CYP46A1: variants seen among roughly 807,000 people sequenced by gnomAD.
CYP46A1 encodes the protein cytochrome P450 family 46 subfamily A member 1, also known as cholesterol 24-hydroxylase.
CYP46A1 carries 20 observed loss-of-function variants against 63.3 expected under a neutral mutation model. That is an observed-to-expected ratio of 0.32 (90% CI 0.22 to 0.46). The LOEUF (loss-of-function observed/expected upper bound fraction) is 0.46. Ranked by LOEUF, CYP46A1 falls within the 20% of genes least tolerant of loss-of-function variation. The pLI, the probability that CYP46A1 is intolerant of heterozygous loss-of-function variation, is 1.00. For missense variants in CYP46A1, 445 were observed against 670.8 expected (o/e 0.66, Z 3.72); for synonymous variants, 268 against 273.6 (o/e 0.98, Z 0.20).
At chr14:99,724,265 C>A (rs2056874868) in intron 12 of CYP46A1, among the ~76,000 whole-genome samples, 1 of 152,184 alleles carries the variant, frequency 6.6e-6, no homozygotes, top group Non-Finnish European at 1.5e-5. Flanking sequence ...CAGCCCATGA[C>A]AGGATCCTTT....
intron 11 of CYP46A1, 33 bp downstream of exon 11, chr14:99,721,356 A>G (rs115649739): frequency 7.0e-7 from 1 of 1,429,098 alleles, no homozygotes; most frequent in Non-Finnish European, 9.9e-7. Flanking sequence ...TTCTGGGCGG[A>G]TGTGGGTGAT....
chr14:99,710,149 C>T (rs1566831724), intron 7 of CYP46A1: 1 of 152,144 alleles, frequency 6.6e-6, no homozygotes, highest in Admixed American at 6.5e-5. Context: ...ATAAAGCCCA[C>T]TGATAGGGCA....
chr14:99,699,317 A>C, intron 3 of CYP46A1, 149 bp from the exon 4 acceptor site: 1 of 760,032 alleles, frequency 1.3e-6, no homozygotes, highest in Non-Finnish European at 2.4e-6. Flanking sequence ...ACTTGAAGAT[A>C]GGGACGATTG....
chr14:99,708,187 A>T, intron 7 of CYP46A1: 1 of 237,760 alleles, frequency 4.2e-6, no homozygotes, highest in East Asian at 1.3e-4. Context: ...GGGCCTGAGG[A>T]ATGGTCTACC....
chr14:99,707,930 T>C, intron 7 of CYP46A1: 1 of 457,468 alleles, frequency 2.2e-6, no homozygotes, highest in East Asian at 4.1e-5. Context: ...CAATGTAGGA[T>C]GACTATGATG....
chr14:99,686,054 C>T (rs1470186402), intron 1 of CYP46A1, among the ~76,000 whole-genome samples: 1 of 152,158 alleles, frequency 6.6e-6, no homozygotes, highest in Non-Finnish European at 1.5e-5. Flanking sequence ...TCCATGGGCC[C>T]CCTGTCTGTC....
At chr14:99,717,100 C>T (rs890884526) in intron 9 of CYP46A1, among the ~76,000 whole-genome samples, 11 of 152,142 alleles carry the variant, frequency 7.2e-5, no homozygotes, top group African/African-American at 2.4e-4. Flanking sequence ...AAAGGACTTG[C>T]GGAACCAATG....
At chr14:99,709,854 C>T (rs2056713667) in intron 7 of CYP46A1, 1 of 152,118 alleles carries the variant, frequency 6.6e-6, no homozygotes, top group African/African-American at 2.4e-5. Context: ...CATGAATTCA[C>T]ATATAAAGGA....
In CYP46A1 at chr14:99,703,359, G is replaced by T. The variant is rs186465537; in HGVS notation, c.443+3258G>T. Among the ~76,000 whole-genome samples the T allele has an allele frequency of 2.5e-3, 376 of 152,256 alleles. 4 individuals are homozygous for T. Among genetic ancestry groups the T allele is most frequent in the African/African-American group, 8.8e-3 (366 of 41,530 alleles). ...CCTCCTCCTGTCTCCCTCCTCCAAT[G>T]TATCCACTCACCATCCTGAAGAGAT... is the stretch of plus-strand genomic sequence containing the variant. On this transcript the variant is annotated intron_variant, in intron 5 of 14. Transcript: ENST00000261835.
At chr14:99,718,213 GTCCC>G in intron 10 of CYP46A1, 87 bp downstream of exon 10, 4 of 1,172,272 alleles carry the variant, frequency 3.4e-6, no homozygotes, top group Non-Finnish European at 5.0e-6. Context: ...CCATGGTTGA[GTCCC>G]CTCAACATGC....
chr14:99,684,484 G>A lies in CYP46A1; in HGVS notation c.67G>A (p.Val23Met). The change falls in exon 1 of 15, where the codon GTG (valine) becomes ATG (methionine). Residue 23 changes from valine (V) to methionine (M), a missense_variant. Physicochemically the swap from Val to Met is conservative, Grantham distance 21. Around this residue, in one of 4 missense-constraint regions of CYP46A1, gnomAD observed 252 missense variants for 383.3 expected, o/e 0.66. Coordinates refer to ENST00000261835, the MANE Select transcript of CYP46A1 (RefSeq NM_006668.2). ...LLAFGLCCTF[V>M]HRARSRYEHI... Reference sequence around the variant, plus strand: ...CGCCTTCGGCCTCTGCTGCACCTTCGTGCACCGCGCTCGCAGCCGCTACGA... The same window carrying A: ...CGCCTTCGGCCTCTGCTGCACCTTCATGCACCGCGCTCGCAGCCGCTACGA... 1 of 1,482,080 alleles carries A rather than the reference G, an allele frequency of 6.7e-7. No homozygotes were observed. The highest frequency in any genetic ancestry group is 8.9e-7 in the Non-Finnish European group (1 of 1,122,638). The allele number at this position is 1,482,080 out of a possible 1,614,324, so 91.8% of individuals were successfully genotyped here.
chr14:99,707,153 C>T (rs543070152), intron 6 of CYP46A1, among the ~76,000 whole-genome samples: 1 of 152,218 alleles, frequency 6.6e-6, no homozygotes, highest in African/African-American at 2.4e-5. Context: ...GCAGTGGGCC[C>T]AGTAACCCCA....
chr14:99,684,364 C>G lies in CYP46A1; in HGVS notation c.-54C>G, dbSNP rs1201078307. The G allele has an allele frequency of 4.3e-6, 5 of 1,151,482 alleles. No homozygotes were observed. The South Asian group carries it at 8.9e-5, about 21-fold the overall frequency. The allele number at this position is 1,151,482 out of a possible 1,614,324, so 71.3% of individuals were successfully genotyped here. On this transcript the variant is annotated 5_prime_UTR_variant, in exon 1 of 15. Coordinates refer to ENST00000261835, the MANE Select transcript of CYP46A1 (RefSeq NM_006668.2). ...ACAGCTGAGTCGGCTCGCGGCCTCC[C>G]GGCCCCCTCGGCGCCCGGCCCGACC... is the stretch of plus-strand genomic sequence containing the variant.
intron 11 of CYP46A1, among the ~76,000 whole-genome samples, chr14:99,721,657 C>T (rs557461122): frequency 3.9e-5 from 6 of 152,282 alleles, no homozygotes; most frequent in South Asian, 2.1e-4. Flanking sequence ...ATGCTGCCGC[C>T]GCACAGCAGG....
At chr14:99,710,833 C>G (rs1286132424) in intron 7 of CYP46A1, 1 of 152,150 alleles carries the variant, frequency 6.6e-6, no homozygotes, top group Non-Finnish European at 1.5e-5. Flanking sequence ...TAGACATTTA[C>G]AGAACTTTTC....
At chr14:99,690,251 T>G (rs914969692) in intron 1 of CYP46A1, among the ~76,000 whole-genome samples, 2 of 152,200 alleles carry the variant, frequency 1.3e-5, no homozygotes, top group African/African-American at 4.8e-5. Flanking sequence ...CAGTAGGACA[T>G]AAATAACTTC....
At chr14:99,690,973 C>G in intron 1 of CYP46A1, 108 bp from the exon 2 acceptor site, 1 of 1,040,600 alleles carries the variant, frequency 9.6e-7, no homozygotes, top group Non-Finnish European at 1.5e-6. Flanking sequence ...CCTCCCCATG[C>G]CTCGGTCCTC....
chr14:99,699,841 C>T (rs192695157), intron 4 of CYP46A1, among the ~76,000 whole-genome samples, 174 bp from the exon 5 acceptor site: 1 of 152,226 alleles, frequency 6.6e-6, no homozygotes, highest in East Asian at 1.9e-4. Context: ...ACCATTTTCC[C>T]CACCTTAGAG....
chr14:99,712,881 C>A (rs577103866), intron 7 of CYP46A1: 18 of 152,306 alleles, frequency 1.2e-4, no homozygotes, highest in Non-Finnish European at 2.2e-4. Context: ...CACCATACTA[C>A]CCGATTTCAA....
Sources: allele counts gnomAD v4.1 joint callset (sites outside exome capture counted in the v4.1 genomes callset), GRCh38; gene constraint gnomAD v4.1.1; regional missense constraint gnomAD v4.1.1; transcripts MANE v1.5; gene names NCBI Gene and HGNC (gene_info 2026-07-23, HGNC 2026-07-21).